MTDH: variants seen among roughly 807,000 people sequenced by gnomAD.
MTDH encodes metadherin.
MTDH carries 34 observed loss-of-function variants against 72.7 expected under a neutral mutation model. That is an observed-to-expected ratio of 0.47 (90% CI 0.36 to 0.62). The LOEUF (loss-of-function observed/expected upper bound fraction) is 0.62. MTDH is among the 20% of genes least tolerant of loss of function. The pLI is 0.00. For missense variants in MTDH, 677 were observed against 699.4 expected (o/e 0.97, Z 0.36); for synonymous variants, 266 against 268.9 (o/e 0.99, Z 0.10).
intron 2 of MTDH, 44 bp from the exon 3 acceptor site, chr8:97,686,623 CA>C: frequency 7.8e-7 from 1 of 1,282,254 alleles, no homozygotes. Flanking sequence ...CCTACTTATT[CA>C]AAAACATAAC....
At chr8:97,694,829 G>A (rs1467754282) in intron 6 of MTDH, among the ~76,000 whole-genome samples, 10 of 151,978 alleles carry the variant, frequency 6.6e-5, no homozygotes, top group Admixed American at 1.3e-4. Flanking sequence ...AGGCCGAGAC[G>A]GGACAATTGC....
At chr8:97,694,104 C>T (rs1176525239) in intron 6 of MTDH, among the ~76,000 whole-genome samples, 2 of 152,088 alleles carry the variant, frequency 1.3e-5, no homozygotes, top group Admixed American at 6.5e-5. Context: ...TTTTTATCTG[C>T]TCTAATTTGA....
intron 6 of MTDH, among the ~76,000 whole-genome samples, chr8:97,694,701 C>T (rs916633439): frequency 4.6e-5 from 7 of 151,940 alleles, no homozygotes; most frequent in South Asian, 2.1e-4. Flanking sequence ...GCTGGCAGAT[C>T]GCCTGAGCCC....
intron 2 of MTDH, among the ~76,000 whole-genome samples, chr8:97,675,444 C>T (rs1812796506): frequency 6.6e-6 from 1 of 151,856 alleles, no homozygotes; most frequent in Admixed American, 6.6e-5. Flanking sequence ...ACCTGTAGTC[C>T]CAGGTACTCG....
At chr8:97,702,668 C>T (rs1814182282) in intron 7 of MTDH, among the ~76,000 whole-genome samples, 1 of 152,146 alleles carries the variant, frequency 6.6e-6, no homozygotes, top group African/African-American at 2.4e-5. Flanking sequence ...TGACAAGAAA[C>T]AGCTGACAAC....
Position 97,681,407 on chromosome 8 carries a change from G to A in MTDH, c.484-5261G>A, listed in dbSNP as rs533747383. On this transcript the variant is annotated intron_variant, in intron 2 of 11. Transcript: ENST00000336273. ...TAAAAGGTAGGAAATATCTGCAGCG[G>A]TTTTTTTTTTTAAAGTAAGAATGAA... 1.0e-4 allele frequency among the ~76,000 whole-genome samples: 15 copies of A among 144,738 alleles called. No homozygotes were observed. In the East Asian group the frequency reaches 3.0e-3, roughly 29 times the overall value. 95.0% of individuals were successfully genotyped at this position (144,738 alleles called of 152,430 possible).
At chr8:97,689,786 C>CA (rs1813511480) in intron 5 of MTDH, among the ~76,000 whole-genome samples, 2 of 149,952 alleles carry the variant, frequency 1.3e-5, no homozygotes, top group Non-Finnish European at 2.9e-5. Flanking sequence ...TGGCTCACTG[C>CA]AACCTCCACC....
At chr8:97,723,943 A>C (rs1379929517) in intron 11 of MTDH, among the ~76,000 whole-genome samples, 1 of 151,974 alleles carries the variant, frequency 6.6e-6, no homozygotes, top group African/African-American at 2.4e-5. Flanking sequence ...CCCCGTCTCT[A>C]CTAAAAATAC....
rs1347041471 is a variant in MTDH at position 97,729,531 on chromosome 8, G to A, written c.*4861G>A. The stretch of plus-strand genomic sequence containing the variant: ...GTGTCTGTCAGAGTTGACATACATT[G>A]TGTATCTCCTGCACCAAAGCATTTT... On this transcript the variant is annotated 3_prime_UTR_variant, in exon 12 of 12. Transcript: ENST00000336273. Among the ~76,000 whole-genome samples, 3 of 152,160 alleles carry A rather than the reference G, an allele frequency of 2.0e-5. No individual in the cohort carries two copies. The highest frequency in any genetic ancestry group is 7.2e-5 in the African/African-American group (3 of 41,444).
At chr8:97,699,674 G>A (rs1586262422) in intron 6 of MTDH, 80 bp from the exon 7 acceptor site, 2 of 856,182 alleles carry the variant, frequency 2.3e-6, no homozygotes, top group East Asian at 5.2e-5. Context: ...AAGTCTCCGT[G>A]TCAAAGTATA....
chr8:97,671,338 A>G (rs73286144), intron 2 of MTDH, among the ~76,000 whole-genome samples: 9,227 of 152,154 alleles, frequency 0.061, 921 homozygotes, highest in African/African-American at 0.21. Context: ...AGTCAAAATA[A>G]TGTGTTGCAG....
chr8:97,713,657 C>A lies in MTDH; in HGVS notation c.1273-5C>A. 1 of 1,560,826 alleles carries A rather than the reference C, an allele frequency of 6.4e-7. No homozygotes were observed. Among genetic ancestry groups the A allele is most frequent in the Non-Finnish European group, 8.7e-7 (1 of 1,153,882 alleles). ...TCTCTTTAATATTTTTGCTTTTAAC[C>A]TAAGGTCTCAGATGATGATAAAGAA... is the stretch of plus-strand genomic sequence containing the variant. On this transcript the variant is annotated splice_region_variant and splice_polypyrimidine_tract_variant and intron_variant, in intron 8 of 11. Coordinates refer to ENST00000336273, the MANE Select transcript of MTDH (RefSeq NM_178812.4).
At chr8:97,656,995 AG>A (rs1034913912) in intron 1 of MTDH, among the ~76,000 whole-genome samples, 6 of 151,888 alleles carry the variant, frequency 4.0e-5, no homozygotes, top group Non-Finnish European at 8.8e-5. Context: ...AAAAAAAAAA[AG>A]TTATGGAATT....
At chr8:97,646,733 G>A (rs1373280402) in intron 1 of MTDH, among the ~76,000 whole-genome samples, 1 of 152,208 alleles carries the variant, frequency 6.6e-6, no homozygotes, top group Non-Finnish European at 1.5e-5. Context: ...TTTCATTCGA[G>A]TTAAGGAAGT....
intron 2 of MTDH, among the ~76,000 whole-genome samples, chr8:97,666,808 T>C (rs1812409492): frequency 1.3e-5 from 2 of 152,072 alleles, no homozygotes; most frequent in Admixed American, 1.3e-4. Context: ...GCAATTCTCA[T>C]GCCTCAGTCT....
chr8:97,702,221 C>T (rs11988597), intron 7 of MTDH, among the ~76,000 whole-genome samples: 5,711 of 152,184 alleles, frequency 0.038, 370 homozygotes, highest in African/African-American at 0.13. Context: ...TTATTGTAAC[C>T]CATGTAAAAA....
At chr8:97,671,930 T>C (rs1196079541) in intron 2 of MTDH, among the ~76,000 whole-genome samples, 1 of 152,170 alleles carries the variant, frequency 6.6e-6, no homozygotes, top group African/African-American at 2.4e-5. Context: ...GGTTTGAGAA[T>C]TGCTCTGGGA....
intron 9 of MTDH, 48 bp from the exon 10 acceptor site, chr8:97,719,001 T>C: frequency 6.6e-7 from 1 of 1,505,542 alleles, no homozygotes. Flanking sequence ...TTTTAATTAA[T>C]GAAGAATGAA....
rs1231739870 is a variant in MTDH at position 97,706,841 on chromosome 8, AG to A, written c.1272+93del. On this transcript the variant is annotated intron_variant, in intron 8 of 11. Transcript: ENST00000336273. ...ACGCCTATGATTCCAGCACTTTGGG[AG>A]GTACTGTGGGAGGATTGCTTGAGCC... 5 of 1,436,884 alleles carry A rather than the reference AG, an allele frequency of 3.5e-6. No individual in the cohort carries two copies. The Admixed American group carries it at 1.1e-4, about 31-fold the overall frequency. The allele number at this position is 1,436,884 out of a possible 1,614,324, so 89.0% of individuals were successfully genotyped here.
Sources: allele counts gnomAD v4.1 joint callset (sites outside exome capture counted in the v4.1 genomes callset), GRCh38; gene constraint gnomAD v4.1.1; transcripts MANE v1.5; gene names NCBI Gene and HGNC (gene_info 2026-07-23, HGNC 2026-07-21).